SEMA5A: variants seen among roughly 807,000 people sequenced by gnomAD.
SEMA5A encodes semaphorin 5A, also known as semaphorin-5A.
A neutral mutation model predicts 135.5 loss-of-function variants in SEMA5A; 55 were observed. The ratio of observed to expected loss-of-function variants is 0.41; its 90% CI spans 0.33 to 0.51. The LOEUF (loss-of-function observed/expected upper bound fraction) is 0.51, where lower values mean the gene tolerates loss of function less well. Ranked by LOEUF, SEMA5A falls within the 20% of genes least tolerant of loss-of-function variation. SEMA5A has a pLI of 0.37. For missense variants in SEMA5A, 1,290 were observed against 1,419.9 expected, an observed-to-expected ratio of 0.91 and a Z score of 1.47; for synonymous variants, 580 against 546.5, an observed-to-expected ratio of 1.06 and a Z score of -0.85.
chr5:9,121,879 C>T (rs1452047968), intron 14 of SEMA5A, among the ~76,000 whole-genome samples: 1 of 152,170 alleles, frequency 6.6e-6, no homozygotes, highest in Non-Finnish European at 1.5e-5. Context: ...ATCACCCAAT[C>T]TGATTTCCAC....
chr5:9,540,143 T>C (rs1414119398), intron 1 of SEMA5A, among the ~76,000 whole-genome samples: 2 of 152,212 alleles, frequency 1.3e-5, no homozygotes, highest in African/African-American at 2.4e-5. Context: ...TTACCCAAGA[T>C]GGCCCGAGAG....
intron 12 of SEMA5A, among the ~76,000 whole-genome samples, chr5:9,150,524 G>C (rs930654281): frequency 1.3e-5 from 2 of 152,060 alleles, no homozygotes; most frequent in African/African-American, 4.8e-5. Context: ...CGTCTTTGAG[G>C]TCAAACTTGA....
intron 5 of SEMA5A, chr5:9,280,869 A>T: frequency 2.5e-6 from 1 of 401,348 alleles, no homozygotes; most frequent in Non-Finnish European, 4.9e-6. Context: ...ACAATAAATA[A>T]TTGTATGTGT....
chr5:9,144,553 G>C (rs906857039), intron 12 of SEMA5A, among the ~76,000 whole-genome samples: 4 of 152,166 alleles, frequency 2.6e-5, no homozygotes, highest in African/African-American at 7.2e-5. Flanking sequence ...GCAAGTGTGA[G>C]GTCTGCCTTG....
intron 3 of SEMA5A, among the ~76,000 whole-genome samples, chr5:9,340,615 A>T (rs1470407249): frequency 6.6e-6 from 1 of 152,202 alleles, no homozygotes; most frequent in Non-Finnish European, 1.5e-5. Context: ...AGAGGAAAAA[A>T]TGAGTTAACA....
chr5:9,397,951 C>T (rs1756475238), intron 2 of SEMA5A, among the ~76,000 whole-genome samples: 1 of 152,170 alleles, frequency 6.6e-6, no homozygotes, highest in Non-Finnish European at 1.5e-5. Context: ...CTCCACAACA[C>T]CATGTTGATC....
chr5:9,164,238 TTA>T (rs1249804850), intron 11 of SEMA5A, among the ~76,000 whole-genome samples: 2 of 143,974 alleles, frequency 1.4e-5, no homozygotes, highest in Non-Finnish European at 3.0e-5. Context: ...ATATAAATAT[TTA>T]TATAATTTAT....
intron 1 of SEMA5A, among the ~76,000 whole-genome samples, chr5:9,470,230 G>T (rs1274975799): frequency 1.3e-5 from 2 of 152,182 alleles, no homozygotes; most frequent in Non-Finnish European, 2.9e-5. Context: ...TCCCCAGGTT[G>T]CACAAAGAAG....
chr5:9,367,088 G>A (rs986283128), intron 3 of SEMA5A, among the ~76,000 whole-genome samples: 8 of 152,210 alleles, frequency 5.3e-5, no homozygotes, highest in Admixed American at 5.2e-4. Context: ...ATGCTGGAAG[G>A]CAAAGGTCTA....
At chr5:9,498,609 C>G (rs565171577) in intron 1 of SEMA5A, 2 of 152,176 alleles carry the variant, frequency 1.3e-5, no homozygotes, top group African/African-American at 2.4e-5. Context: ...ATTTCCCAGC[C>G]GAGATATAGC....
chr5:9,424,323 A>G (rs1157659256), intron 2 of SEMA5A, among the ~76,000 whole-genome samples: 2 of 152,244 alleles, frequency 1.3e-5, no homozygotes, highest in Admixed American at 6.5e-5. Context: ...ATCCCTCAAG[A>G]GGAGAATTAC....
intron 1 of SEMA5A, among the ~76,000 whole-genome samples, chr5:9,508,641 G>A (rs955552812): frequency 1.3e-5 from 2 of 152,064 alleles, no homozygotes; most frequent in South Asian, 2.1e-4. Context: ...TCCCTTCTGC[G>A]GGTGTCCAGA....
chr5:9,200,880 A>C (rs1038474286), intron 9 of SEMA5A, among the ~76,000 whole-genome samples: 1 of 152,226 alleles, frequency 6.6e-6, no homozygotes, highest in Admixed American at 6.5e-5. Context: ...AAAGGACATC[A>C]TAGGGTGACC....
At chr5:9,219,613 T>C (rs3888591) in intron 8 of SEMA5A, among the ~76,000 whole-genome samples, 63,564 of 151,934 alleles carry the variant, frequency 0.42, 13,659 homozygotes, top group South Asian at 0.57. Context: ...GTTTAGAAGA[T>C]ATAGGGAGAA....
intron 1 of SEMA5A, among the ~76,000 whole-genome samples, chr5:9,496,273 G>A (rs1735298064): frequency 6.6e-6 from 1 of 152,172 alleles, no homozygotes; most frequent in Non-Finnish European, 1.5e-5. Flanking sequence ...TCAAACTCCT[G>A]ACCTCAGATG....
chr5:9,275,241 A>G (rs1258125048), intron 5 of SEMA5A, among the ~76,000 whole-genome samples: 1 of 151,540 alleles, frequency 6.6e-6, no homozygotes, highest in Non-Finnish European at 1.5e-5. Context: ...GAAGAAATGG[A>G]AAAGTTCCTG....
At chr5:9,088,302 C>CAAAAAA (rs58686803) in intron 16 of SEMA5A, among the ~76,000 whole-genome samples, 4 of 68,310 alleles carry the variant, frequency 5.9e-5, no homozygotes, top group East Asian at 3.1e-4. Context: ...GACTCCATCT[C>CAAAAAA]AAAAAAAAAA....
At chr5:9,259,830 G>T (rs1749305117) in intron 5 of SEMA5A, among the ~76,000 whole-genome samples, 1 of 69,998 alleles carries the variant, frequency 1.4e-5, no homozygotes, top group East Asian at 4.6e-4. Flanking sequence ...ACAATTAAAA[G>T]AACTAGAAAA....
At chr5:9,361,990 G>A (rs999650475) in intron 3 of SEMA5A, among the ~76,000 whole-genome samples, 3 of 152,170 alleles carry the variant, frequency 2.0e-5, no homozygotes, top group Admixed American at 6.5e-5. Context: ...TGGCAAGGAA[G>A]GTTCTTATTT....
Sources: gnomAD v4.1 joint callset for allele counts (sites outside exome capture counted in the v4.1 genomes callset) on GRCh38, gnomAD v4.1.1 for gene constraint, MANE v1.5 for transcripts, NCBI Gene and HGNC (gene_info 2026-07-23, HGNC 2026-07-21) for gene names.